CSMD1: variants seen among roughly 807,000 people sequenced by gnomAD.
The protein encoded by CSMD1 is CUB and sushi domain-containing protein 1.
In CSMD1, 213 loss-of-function variants were observed where a neutral mutation model predicts 417.5. The ratio of observed to expected loss-of-function variants is 0.51; its 90% CI spans 0.46 to 0.57. The LOEUF is 0.57. CSMD1 is among the 20% of genes least tolerant of loss of function. The probability of loss-of-function intolerance (pLI) is 0.00; values close to 1 mark genes in which losing one functional copy is unlikely to be tolerated. For synonymous variants in CSMD1, 2,862 were observed against 1,736.8 expected (o/e 1.65, Z -16.11); for missense variants, 6,923 against 4,529.7 (o/e 1.53, Z -15.17).
chr8:3,497,401 C>CATTT (rs56294605), intron 10 of CSMD1, among the ~76,000 whole-genome samples: 159 of 151,590 alleles, frequency 1.0e-3, no homozygotes, highest in East Asian at 3.9e-3. Context: ...TTTCACTTTC[C>CATTT]ATTTATTTAT....
intron 5 of CSMD1, among the ~76,000 whole-genome samples, chr8:3,788,099 C>A (rs536072360): frequency 2.6e-5 from 4 of 152,226 alleles, no homozygotes; most frequent in East Asian, 1.9e-4. Flanking sequence ...AGACTTGCAA[C>A]GCTTAGTTCT....
intron 7 of CSMD1, among the ~76,000 whole-genome samples, chr8:3,702,562 G>A (rs904432138): frequency 4.0e-4 from 61 of 152,220 alleles, no homozygotes; most frequent in African/African-American, 1.4e-3. Flanking sequence ...CAGGTGCGGT[G>A]GCTCATGCCT....
intron 2 of CSMD1, among the ~76,000 whole-genome samples, chr8:4,571,239 A>G (rs1798879179): frequency 1.3e-5 from 2 of 152,076 alleles, no homozygotes; most frequent in Admixed American, 1.3e-4. Context: ...ATGTTAGGGC[A>G]TCGATTTTGG....
intron 2 of CSMD1, among the ~76,000 whole-genome samples, chr8:4,432,758 G>C (rs929150090): frequency 3.3e-5 from 5 of 152,136 alleles, no homozygotes; most frequent in African/African-American, 9.7e-5. Flanking sequence ...GGCCATAGAG[G>C]AAATAAAAAT....
intron 1 of CSMD1, among the ~76,000 whole-genome samples, chr8:4,907,079 G>C (rs1349105957): frequency 6.6e-6 from 1 of 152,124 alleles, no homozygotes; most frequent in African/African-American, 2.4e-5. Flanking sequence ...TTTTCTGTTT[G>C]GTATGTAACA....
chr8:3,360,657 G>A (rs1012035700), intron 20 of CSMD1, among the ~76,000 whole-genome samples: 6 of 152,208 alleles, frequency 3.9e-5, no homozygotes, highest in African/African-American at 1.4e-4. Context: ...TTGGGACAAT[G>A]AAGATCACTC....
intron 2 of CSMD1, among the ~76,000 whole-genome samples, chr8:4,601,391 T>A (rs1004042961): frequency 2.6e-5 from 4 of 152,216 alleles, no homozygotes; most frequent in African/African-American, 9.6e-5. Context: ...GGCATTTGCA[T>A]AACTTGCATT....
chr8:4,765,794 G>C (rs190083238), intron 1 of CSMD1, among the ~76,000 whole-genome samples: 3 of 152,308 alleles, frequency 2.0e-5, no homozygotes, highest in South Asian at 2.1e-4. Context: ...CCTGGGGGTT[G>C]ATGAAAGGTA....
chr8:4,934,969 T>A (rs78054838), intron 1 of CSMD1, among the ~76,000 whole-genome samples: 6 of 152,214 alleles, frequency 3.9e-5, no homozygotes, highest in Non-Finnish European at 5.9e-5. Context: ...CCTATATCTA[T>A]CATCTATCAA....
chr8:4,157,236 C>A (rs1272605655), intron 3 of CSMD1, among the ~76,000 whole-genome samples: 1 of 152,160 alleles, frequency 6.6e-6, no homozygotes, highest in Non-Finnish European at 1.5e-5. Context: ...TTTATAAGAA[C>A]ACAACAGGGC....
At chr8:4,713,136 C>A (rs964712999) in intron 1 of CSMD1, among the ~76,000 whole-genome samples, 1 of 152,164 alleles carries the variant, frequency 6.6e-6, no homozygotes, top group African/African-American at 2.4e-5. Context: ...GCCACTAGGA[C>A]CTCTATTAAA....
intron 49 of CSMD1, among the ~76,000 whole-genome samples, chr8:3,072,731 G>C (rs1430107926): frequency 1.3e-5 from 2 of 152,154 alleles, no homozygotes; most frequent in Admixed American, 6.5e-5. Context: ...TCTCCACTTG[G>C]AGTGAAGGCA....
intron 3 of CSMD1, among the ~76,000 whole-genome samples, chr8:4,100,668 C>G (rs1801259522): frequency 6.6e-6 from 1 of 152,032 alleles, no homozygotes; most frequent in Non-Finnish European, 1.5e-5. Context: ...AAAAAGGGTG[C>G]TGAAATTGCC....
chr8:3,323,430 C>T (rs1030723192), intron 23 of CSMD1, among the ~76,000 whole-genome samples: 10 of 151,790 alleles, frequency 6.6e-5, no homozygotes, highest in Admixed American at 5.9e-4. Flanking sequence ...AAGCCAGAAA[C>T]GCTGGTCCAT....
intron 4 of CSMD1, among the ~76,000 whole-genome samples, chr8:4,011,277 C>T (rs898802797): frequency 5.9e-5 from 9 of 152,170 alleles, no homozygotes; most frequent in Admixed American, 5.9e-4. Context: ...TTCAAAACGA[C>T]TATTTGTGTT....
At chr8:3,404,165 C>T (rs1041900062) in intron 15 of CSMD1, among the ~76,000 whole-genome samples, 10 of 151,952 alleles carry the variant, frequency 6.6e-5, no homozygotes, top group African/African-American at 1.9e-4. Flanking sequence ...GAAACGTCCC[C>T]TCTACTAAAA....
intron 10 of CSMD1, among the ~76,000 whole-genome samples, chr8:3,512,137 GC>G (rs1221239405): frequency 6.6e-6 from 1 of 152,092 alleles, no homozygotes; most frequent in African/African-American, 2.4e-5. Flanking sequence ...CCCCAACCAC[GC>G]TCATAGCACC....
chr8:3,785,893 A>G lies in CSMD1; in HGVS notation c.819-31851T>C, dbSNP rs1392937539. ...GGATATGTCATGTTTGTGTCTAAAC[A>G]TTAACAAGATTTCTCTGTACACCAT... On this transcript the variant is annotated intron_variant, in intron 5 of 69. Transcript: ENST00000635120. Among the ~76,000 whole-genome samples the G allele has an allele frequency of 3.3e-5, 5 of 152,244 alleles. 1 individual carries two copies. The highest frequency in any genetic ancestry group is 3.3e-4 in the Admixed American group (5 of 15,288).
intron 7 of CSMD1, among the ~76,000 whole-genome samples, chr8:3,620,306 G>T (rs999597665): frequency 6.8e-6 from 1 of 147,838 alleles, no homozygotes; most frequent in Non-Finnish European, 1.5e-5. Context: ...GAAATGAAAG[G>T]GCACTACACA....
Sources: allele counts gnomAD v4.1 joint callset (sites outside exome capture counted in the v4.1 genomes callset), GRCh38; gene constraint gnomAD v4.1.1; transcripts MANE v1.5; gene names NCBI Gene and HGNC (gene_info 2026-07-23, HGNC 2026-07-21).